The following CLTA variants were observed in gnomAD, a reference collection of about 807,000 sequenced individuals.
CLTA encodes the protein clathrin light chain A, also known as clathrin, light polypeptide (Lca).
In CLTA, 9 loss-of-function variants were observed where a neutral mutation model predicts 26.9. The observed-to-expected ratio is 0.33, with a 90% confidence interval of 0.20 to 0.58. The LOEUF (loss-of-function observed/expected upper bound fraction) is 0.58. CLTA is among the 20% of genes least tolerant of loss of function. CLTA has a pLI of 0.85. For synonymous variants in CLTA, 120 were observed against 115.5 expected, an observed-to-expected ratio of 1.04 and a Z score of -0.25; for missense variants, 278 against 294.2, an observed-to-expected ratio of 0.94 and a Z score of 0.40.
At chr9:36,203,245 C>T (rs1391301630) in intron 3 of CLTA, among the ~76,000 whole-genome samples, 2 of 152,122 alleles carry the variant, frequency 1.3e-5, no homozygotes, top group Admixed American at 1.3e-4. Context: ...TTTGAGAATC[C>T]AATCTAGCAA....
At position 36,203,938 on chromosome 9, in the gene CLTA, C is replaced by G. The variant is rs1459081677; in HGVS notation, c.374-130C>G. ...AGAAGTTTATCTTCCCCTCTCTACT[C>G]TTCTCCCCCAACAGGCACACAGACA... On this transcript the variant is annotated intron_variant, in intron 3 of 4. Transcript: ENST00000345519. 2.3e-6 allele frequency: 3 copies of G among 1,287,658 alleles called. No homozygotes were observed. The South Asian group carries it at 4.6e-5, about 20-fold the overall frequency. 79.8% of individuals were successfully genotyped at this position (1,287,658 alleles called of 1,614,324 possible). A position where few individuals can be genotyped will look rare whatever the true frequency, so the allele number is the denominator to read the frequency against.
At chr9:36,195,290 A>G (rs1826958189) in intron 1 of CLTA, among the ~76,000 whole-genome samples, 1 of 152,254 alleles carries the variant, frequency 6.6e-6, no homozygotes, top group Admixed American at 6.5e-5. Flanking sequence ...GATCATGTCT[A>G]CATACACAAA....
At chr9:36,197,496 T>G in intron 1 of CLTA, 55 bp from the exon 2 acceptor site, 1 of 1,262,332 alleles carries the variant, frequency 7.9e-7, no homozygotes, top group Non-Finnish European at 1.2e-6. Context: ...GTACAACCCT[T>G]TGGCCCAGTG....
Position 36,204,164 on chromosome 9 carries a change from C to G in CLTA, c.470C>G (p.Thr157Arg). Residue 157 changes from threonine to arginine, a missense_variant, in exon 4 of 5, where the codon ACA becomes AGA. Physicochemically the swap from Thr to Arg is moderately conservative, Grantham distance 71 (BLOSUM62 -1). Transcript: ENST00000345519. ...YARQDEQLQK[T>R]KANNRAAEEA... Reference sequence around the variant, plus strand: ...AGACAGGACGAGCAGCTACAGAAAACAAAAGCAAACAACAGGTCAGTCCGT... The same window carrying G: ...AGACAGGACGAGCAGCTACAGAAAAGAAAAGCAAACAACAGGTCAGTCCGT... 1.9e-6 allele frequency: 3 copies of G among 1,613,788 alleles called. No individual in the cohort carries two copies. The highest frequency in any genetic ancestry group is 1.3e-5 in the African/African-American group (1 of 75,040).
intron 3 of CLTA, among the ~76,000 whole-genome samples, chr9:36,200,369 T>G (rs1827335780): frequency 6.6e-6 from 1 of 152,220 alleles, no homozygotes; most frequent in East Asian, 1.9e-4. Context: ...TGACCTACTT[T>G]AAGATAAAGA....
chr9:36,191,628 T>C (rs779524538), intron 1 of CLTA, among the ~76,000 whole-genome samples: 5 of 152,180 alleles, frequency 3.3e-5, no homozygotes, highest in African/African-American at 7.2e-5. Flanking sequence ...TCCAGACTTA[T>C]AAGCTTATAA....
In CLTA at chr9:36,191,250, A is replaced by G; in HGVS notation, c.194A>G (p.His65Arg). 1 of 1,531,260 alleles carries G rather than the reference A, an allele frequency of 6.5e-7. No homozygotes were observed. Among genetic ancestry groups the G allele is most frequent in the Non-Finnish European group, 8.7e-7 (1 of 1,143,594 alleles). The allele number at this position is 1,531,260 out of a possible 1,614,324, so 94.9% of individuals were successfully genotyped here. The change falls in exon 1 of 5, where the codon CAC (histidine) becomes CGC (arginine). Residue 65 changes from histidine (H) to arginine (R), a missense_variant. By Grantham distance (29) the His-to-Arg change is conservative. Transcript: ENST00000345519. ...LDGGAPGPQP[H>R]GEPPGGPDAV... Reference sequence around the variant, plus strand: ...GGCGGCGCCCCCGGGCCCCAGCCGCACGGCGAGCCGCCGGGGGGTCCGGGT... The same window carrying G: ...GGCGGCGCCCCCGGGCCCCAGCCGCGCGGCGAGCCGCCGGGGGGTCCGGGT...
intron 4 of CLTA, chr9:36,209,445 C>T: frequency 1.3e-6 from 1 of 756,164 alleles, no homozygotes; most frequent in South Asian, 1.7e-5. Flanking sequence ...ACTTTGGGGG[C>T]TGCCTAAGAA....
chr9:36,211,393 A>G (rs1291205082), intron 4 of CLTA, among the ~76,000 whole-genome samples: 2 of 152,184 alleles, frequency 1.3e-5, no homozygotes, highest in Non-Finnish European at 2.9e-5. Flanking sequence ...CTGTATTCCA[A>G]CATTTTACAC....
chr9:36,211,681 T>G lies in CLTA; in HGVS notation c.564T>G (p.Cys188Trp). The part of the protein sequence containing the change: ...GTEWERVARL[C>W]DFNPKSSKQA... ...AGTGGGAACGGGTGGCCCGGCTGTG[T>G]GACTTTAACCCCAAGTCTAGCAAGC... The change falls in exon 5 of 5, where the codon TGT becomes TGG. Residue 188 changes from cysteine (C) to tryptophan (W), a missense_variant. Physicochemically the swap from Cys to Trp is radical, Grantham distance 215 (BLOSUM62 -2). Transcript: ENST00000345519. 6.2e-7 allele frequency: 1 copy of G among 1,614,128 alleles called. No homozygotes were observed. The highest frequency in any genetic ancestry group is 8.5e-7 in the Non-Finnish European group (1 of 1,179,998).
intron 4 of CLTA, 30 bp downstream of exon 4, chr9:36,204,209 G>A (rs749003542): frequency 6.3e-7 from 1 of 1,588,486 alleles, no homozygotes; most frequent in Admixed American, 1.8e-5. Context: ...AGCACACTTT[G>A]TTTTCCAAAA....
At chr9:36,192,774 A>G (rs1445888978) in intron 1 of CLTA, among the ~76,000 whole-genome samples, 1 of 152,200 alleles carries the variant, frequency 6.6e-6, no homozygotes, top group Non-Finnish European at 1.5e-5. Flanking sequence ...CACTCTTAGA[A>G]TATACCACAT....
chr9:36,204,200 G>A (rs377204603), intron 4 of CLTA, 21 bp downstream of exon 4: 227 of 1,598,352 alleles, frequency 1.4e-4, no homozygotes, highest in Non-Finnish European at 1.8e-4. Flanking sequence ...GGTGGTTGTA[G>A]CACACTTTGT....
chr9:36,194,648 T>C (rs566493863), intron 1 of CLTA, among the ~76,000 whole-genome samples: 19 of 152,312 alleles, frequency 1.2e-4, no homozygotes, highest in Non-Finnish European at 5.9e-5. Flanking sequence ...GTTTCTGGAA[T>C]GTGGAAAGTT....
intron 4 of CLTA, among the ~76,000 whole-genome samples, chr9:36,208,120 C>A (rs941919957): frequency 3.3e-5 from 5 of 152,122 alleles, no homozygotes; most frequent in Admixed American, 3.3e-4. Context: ...GCTTAATGAC[C>A]AGGCATGATT....
chr9:36,198,264 C>T (rs1827170872), intron 2 of CLTA, among the ~76,000 whole-genome samples: 1 of 152,008 alleles, frequency 6.6e-6, no homozygotes, highest in Non-Finnish European at 1.5e-5. Context: ...TCCCAAAGTG[C>T]TGGGATTACA....
chr9:36,209,137 G>GA (rs1392766927), intron 4 of CLTA: 1 of 1,126,540 alleles, frequency 8.9e-7, no homozygotes, highest in Non-Finnish European at 1.3e-6. Flanking sequence ...CGGGGGTTAG[G>GA]AAGGAGCCTT....
chr9:36,212,004 C>T lies in CLTA; in HGVS notation c.*230C>T. 1.5e-6 allele frequency: 1 copy of T among 677,090 alleles called. No individual in the cohort carries two copies. The allele number at this position is 677,090 out of a possible 1,614,324, so 41.9% of individuals were successfully genotyped here. On this transcript the variant is annotated 3_prime_UTR_variant, in exon 5 of 5. Transcript: ENST00000345519. ...GGGGAGGGAAGCTTCCCAAGAGTAG[C>T]CTCAACCTGTGCTTCTGTGCATTAT...
At position 36,199,004 on chromosome 9, in the gene CLTA, A is replaced by T. The variant is rs192589270; in HGVS notation, c.281A>T (p.Tyr94Phe). The T allele has an allele frequency of 3.7e-6, 6 of 1,613,432 alleles. No individual in the cohort carries two copies. Among genetic ancestry groups the T allele is most frequent in the African/African-American group, 1.3e-5 (1 of 75,018 alleles). Reference protein sequence around the residue: ...YQESNGPTDSYAAISQVDRLQ... With the variant: ...YQESNGPTDSFAAISQVDRLQ... ...GAAAGTAATGGTCCAACAGACAGTT[A>T]TGCAGCTATTTCACAAGTGGATCGA... Residue 94 changes from tyrosine (Y) to phenylalanine (F), a missense_variant, in exon 3 of 5, where the codon TAT becomes TTT. Coordinates refer to ENST00000345519, the MANE Select transcript of CLTA (RefSeq NM_001833.4).
Sources: allele counts gnomAD v4.1 joint callset (sites outside exome capture counted in the v4.1 genomes callset), GRCh38; gene constraint gnomAD v4.1.1; transcripts MANE v1.5; gene names NCBI Gene and HGNC (gene_info 2026-07-23, HGNC 2026-07-21).